The following RABGAP1L variants were observed in gnomAD, a reference collection of about 807,000 sequenced individuals.
RABGAP1L encodes RAB GTPase activating protein 1 like.
In RABGAP1L, 63 loss-of-function variants were observed where a neutral mutation model predicts 137.7. The ratio of observed to expected loss-of-function variants is 0.46; its 90% CI spans 0.37 to 0.56. The LOEUF (loss-of-function observed/expected upper bound fraction) is 0.56, where lower values mean the gene tolerates loss of function less well. RABGAP1L is among the 20% of genes least tolerant of loss of function. RABGAP1L has a pLI of 0.00. For missense variants in RABGAP1L, 1,095 were observed against 1,244.0 expected, an observed-to-expected ratio of 0.88 and a Z score of 1.80; for synonymous variants, 431 against 433.7, an observed-to-expected ratio of 0.99 and a Z score of 0.08.
chr1:174,751,385 C>G (rs1684325075), intron 17 of RABGAP1L, among the ~76,000 whole-genome samples: 1 of 152,106 alleles, frequency 6.6e-6, no homozygotes. Context: ...TGGTATAGCT[C>G]CATATCCAAA....
intron 19 of RABGAP1L, among the ~76,000 whole-genome samples, chr1:174,933,416 T>C (rs924435405): frequency 2.6e-5 from 4 of 152,158 alleles, no homozygotes; most frequent in Non-Finnish European, 5.9e-5. Flanking sequence ...CTTATTACGA[T>C]GCTTGGGCCA....
At chr1:174,438,230 A>G (rs1186570538) in intron 13 of RABGAP1L, among the ~76,000 whole-genome samples, 4 of 152,170 alleles carry the variant, frequency 2.6e-5, no homozygotes, top group Admixed American at 6.6e-5. Context: ...CAGTCTTTCA[A>G]CTTTGTTTTT....
rs1016306663 is a variant in RABGAP1L at position 174,448,501 on chromosome 1, A to C, written c.1710+54356A>C. ...CAGTTCTAAAAAGTGTTTCTATGGCATGTCTTGCTTGCATCAGTGTGGATC... is the reference window on the plus strand; with the variant it reads ...CAGTTCTAAAAAGTGTTTCTATGGCCTGTCTTGCTTGCATCAGTGTGGATC... On this transcript the variant is annotated intron_variant, in intron 13 of 25. Coordinates refer to ENST00000681986, the MANE Select transcript of RABGAP1L (RefSeq NM_001366446.1). The surrounding 1 kb of genome is among the most constrained non-coding windows in gnomAD (Gnocchi z 4.2). 1 of 1,613,576 alleles carries C rather than the reference A, an allele frequency of 6.2e-7. No homozygotes were observed.
chr1:174,779,934 G>A (rs1686824063), intron 18 of RABGAP1L, among the ~76,000 whole-genome samples: 1 of 151,818 alleles, frequency 6.6e-6, no homozygotes, highest in African/African-American at 2.4e-5. Flanking sequence ...GGTGTGGTGG[G>A]AGGCACCTGT....
chr1:174,807,924 C>A (rs1383216303), intron 18 of RABGAP1L, among the ~76,000 whole-genome samples: 2 of 150,368 alleles, frequency 1.3e-5, no homozygotes, highest in African/African-American at 4.9e-5. Flanking sequence ...TAGCGAGACC[C>A]CCATCTCTAC....
rs948966542 is a variant in RABGAP1L at position 174,905,851 on chromosome 1, AAAAAAGAAAAAG to A, written c.2341-51594_2341-51583del. 9.9e-5 allele frequency among the ~76,000 whole-genome samples: 15 copies of A among 152,212 alleles called. No homozygotes were observed. The South Asian group carries it at 1.2e-3, about 13-fold the overall frequency. ...GGGTAACAGAGTGAGACTCTGTCTA[AAAAAAGAAAAAG>A]AAAAAGAAAAAAGAAAATACATGGA... On this transcript the variant is annotated intron_variant, in intron 19 of 25. Coordinates refer to ENST00000681986, the MANE Select transcript of RABGAP1L (RefSeq NM_001366446.1).
At chr1:174,577,382 T>A (rs1444650299) in intron 13 of RABGAP1L, among the ~76,000 whole-genome samples, 2 of 151,804 alleles carry the variant, frequency 1.3e-5, no homozygotes, top group Non-Finnish European at 2.9e-5. Flanking sequence ...TTTCCATACA[T>A]TTTTGGTCCC....
chr1:174,347,383 G>T (rs1399157099), intron 11 of RABGAP1L, among the ~76,000 whole-genome samples: 1 of 151,230 alleles, frequency 6.6e-6, no homozygotes. Context: ...TATATATCTG[G>T]GTGCTCCAAT....
At chr1:174,733,594 C>T (rs1029743026) in intron 17 of RABGAP1L, among the ~76,000 whole-genome samples, 3 of 152,182 alleles carry the variant, frequency 2.0e-5, no homozygotes, top group African/African-American at 7.2e-5. Flanking sequence ...AATATCCCTC[C>T]TTTTTTTGTA....
chr1:174,295,737 T>G (rs1677074498), intron 10 of RABGAP1L, among the ~76,000 whole-genome samples: 1 of 151,238 alleles, frequency 6.6e-6, no homozygotes, highest in Middle Eastern at 3.4e-3. Context: ...CAGTCTAGTC[T>G]CAAACACCTG....
chr1:174,163,807 G>T (rs895338865), intron 1 of RABGAP1L, among the ~76,000 whole-genome samples: 1 of 151,724 alleles, frequency 6.6e-6, no homozygotes, highest in African/African-American at 2.4e-5. Context: ...CCCAGAATAT[G>T]AAGCCTAACA....
At position 174,908,895 on chromosome 1, in the gene RABGAP1L, C is replaced by G. The variant is rs531496027; in HGVS notation, c.2341-48562C>G. On this transcript the variant is annotated intron_variant, in intron 19 of 25. Transcript: ENST00000681986. ...GTCAATGAAAGTACTAAAAAGGGGC[C>G]GGGCACAGTGGCTCACACCTGTAAT... Among the ~76,000 whole-genome samples the G allele has an allele frequency of 2.8e-3, 417 of 149,390 alleles. 4 individuals are homozygous for G. The highest frequency in any genetic ancestry group is 9.8e-3 in the African/African-American group (400 of 40,826).
chr1:174,257,521 A>G (rs1438881954), intron 7 of RABGAP1L, among the ~76,000 whole-genome samples: 1 of 152,188 alleles, frequency 6.6e-6, no homozygotes, highest in Non-Finnish European at 1.5e-5. Context: ...TAGAAATGTT[A>G]CTTTTTGCCC....
intron 14 of RABGAP1L, among the ~76,000 whole-genome samples, chr1:174,659,145 T>G (rs1406212488): frequency 2.0e-5 from 3 of 152,044 alleles, no homozygotes; most frequent in African/African-American, 7.2e-5. Context: ...CACATCCCTG[T>G]GTGCTAGGCA....
chr1:174,194,349 C>G (rs1667420550), intron 1 of RABGAP1L, among the ~76,000 whole-genome samples: 2 of 151,802 alleles, frequency 1.3e-5, no homozygotes, highest in Admixed American at 6.6e-5. Flanking sequence ...ATTCTCCTGC[C>G]CCAGCCTCCT....
At chr1:174,546,858 G>A (rs924911176) in intron 13 of RABGAP1L, among the ~76,000 whole-genome samples, 4 of 151,112 alleles carry the variant, frequency 2.6e-5, no homozygotes, top group South Asian at 2.1e-4. Context: ...GTGAAACCCC[G>A]TCTCTACTGA....
chr1:174,473,726 A>G (rs1658193725), intron 13 of RABGAP1L, among the ~76,000 whole-genome samples: 2 of 152,232 alleles, frequency 1.3e-5, no homozygotes, highest in Non-Finnish European at 2.9e-5. Flanking sequence ...TTTAGAATCC[A>G]CATATGTAAA....
intron 12 of RABGAP1L, among the ~76,000 whole-genome samples, chr1:174,380,176 T>G (rs917428154): frequency 6.6e-6 from 1 of 151,516 alleles, no homozygotes; most frequent in Non-Finnish European, 1.5e-5. Flanking sequence ...GATGTGCTGC[T>G]GGATTCGTTT....
intron 11 of RABGAP1L, among the ~76,000 whole-genome samples, chr1:174,368,733 A>G (rs548659266): frequency 3.8e-4 from 58 of 152,300 alleles, no homozygotes; most frequent in African/African-American, 1.3e-3. Flanking sequence ...TAAAAAATAT[A>G]CATACTCTAT....
Sources: gnomAD v4.1 joint callset for allele counts (sites outside exome capture counted in the v4.1 genomes callset) on GRCh38, gnomAD v4.1.1 for gene constraint, Gnocchi (gnomAD v3.1) non-coding constraint, MANE v1.5 for transcripts, NCBI Gene and HGNC (gene_info 2026-07-23, HGNC 2026-07-21) for gene names.